ADK: variants seen among roughly 807,000 people sequenced by gnomAD.
ADK encodes N6,N6-dimethyladenosine kinase.
Under a neutral mutation model 44.7 loss-of-function variants are expected in ADK, and 24 were observed. The ratio of observed to expected loss-of-function variants is 0.54; its 90% confidence interval spans 0.39 to 0.76. The LOEUF is 0.76. Ranked by LOEUF, ADK falls within the 30% of genes least tolerant of loss-of-function variation. ADK has a pLI of 0.00. For missense variants in ADK, 321 were observed against 425.1 expected, an observed-to-expected ratio of 0.76 and a Z score of 2.15; for synonymous variants, 128 against 142.6, an observed-to-expected ratio of 0.90 and a Z score of 0.73.
chr10:74,584,232 C>T (rs1046649187), intron 7 of ADK, among the ~76,000 whole-genome samples: 1 of 152,128 alleles, frequency 6.6e-6, no homozygotes, highest in Admixed American at 6.5e-5. Flanking sequence ...ATTTGTTTAT[C>T]CTGAGATCTT....
At position 74,441,995 on chromosome 10, in the gene ADK, A is replaced by T. The variant is rs77255190; in HGVS notation, c.555+43416A>T. Among the ~76,000 whole-genome samples the T allele has an allele frequency of 2.6e-5, 4 of 152,216 alleles. No homozygotes were observed. In the East Asian group the frequency reaches 5.8e-4, roughly 22 times the overall value. ...AAAGAAATACAAATCAAAAGACCACAGTGAAGCTGGGTTCAGTGGTGGTGG... is the reference window on the plus strand; with the variant it reads ...AAAGAAATACAAATCAAAAGACCACTGTGAAGCTGGGTTCAGTGGTGGTGG... On this transcript the variant is annotated intron_variant, in intron 6 of 10. Transcript: ENST00000539909.
chr10:74,334,138 C>T (rs566879114), intron 4 of ADK, among the ~76,000 whole-genome samples: 1 of 152,228 alleles, frequency 6.6e-6, no homozygotes, highest in African/African-American at 2.4e-5. Context: ...TCAAAACTTT[C>T]CCTGTGTCCC....
At chr10:74,508,956 T>A (rs1212659208) in intron 6 of ADK, among the ~76,000 whole-genome samples, 6 of 152,192 alleles carry the variant, frequency 3.9e-5, no homozygotes. Flanking sequence ...ACACACATTT[T>A]TATTTTATAA....
At chr10:74,554,838 T>G (rs1222210547) in intron 7 of ADK, among the ~76,000 whole-genome samples, 1 of 151,792 alleles carries the variant, frequency 6.6e-6, no homozygotes, top group Non-Finnish European at 1.5e-5. Context: ...CCACAGAATA[T>G]CGTTCTTCAT....
chr10:74,475,648 G>A (rs1292272708), intron 6 of ADK, among the ~76,000 whole-genome samples: 3 of 152,070 alleles, frequency 2.0e-5, no homozygotes, highest in Non-Finnish European at 2.9e-5. Flanking sequence ...TTGAGCCTGT[G>A]TGAGCCATGA....
intron 1 of ADK, among the ~76,000 whole-genome samples, chr10:74,179,795 G>A (rs967013521): frequency 5.3e-5 from 8 of 152,134 alleles, no homozygotes; most frequent in Non-Finnish European, 8.8e-5. Flanking sequence ...CTTTGGAATC[G>A]TCATCCTTTT....
chr10:74,351,122 CAA>C (rs1320801555), intron 4 of ADK, among the ~76,000 whole-genome samples: 10 of 151,980 alleles, frequency 6.6e-5, no homozygotes, highest in Non-Finnish European at 1.5e-4. Context: ...AGAGACACAA[CAA>C]AAAAAGAAAA....
At chr10:74,300,261 T>G (rs1472749689) in intron 3 of ADK, among the ~76,000 whole-genome samples, 2 of 43,308 alleles carry the variant, frequency 4.6e-5, no homozygotes, top group Non-Finnish European at 1.1e-4. Context: ...TCTCCTTGTT[T>G]CCTTCCTTCC....
At chr10:74,260,744 T>G (rs1428718687) in intron 3 of ADK, among the ~76,000 whole-genome samples, 2 of 152,246 alleles carry the variant, frequency 1.3e-5, no homozygotes, top group African/African-American at 4.8e-5. Flanking sequence ...TGTTCCCTGC[T>G]TACTGTTTCT....
chr10:74,521,949 T>C, intron 6 of ADK, among the ~76,000 whole-genome samples: 1 of 152,188 alleles, frequency 6.6e-6, no homozygotes, highest in Admixed American at 6.5e-5. Context: ...CAAAAACATT[T>C]TGTATTTCAC....
chr10:74,581,253 T>TA (rs377216996), intron 7 of ADK, among the ~76,000 whole-genome samples: 85 of 151,974 alleles, frequency 5.6e-4, no homozygotes, highest in Non-Finnish European at 9.9e-4. Flanking sequence ...GTGGGAAATG[T>TA]AAAAAAAGAC....
At chr10:74,496,248 A>G (rs1372270437) in intron 6 of ADK, among the ~76,000 whole-genome samples, 5 of 152,188 alleles carry the variant, frequency 3.3e-5, no homozygotes, top group Non-Finnish European at 7.3e-5. Flanking sequence ...CTTGGACTAC[A>G]GGCATGTGCC....
At chr10:74,352,938 C>A (rs982615732) in intron 4 of ADK, among the ~76,000 whole-genome samples, 1 of 152,136 alleles carries the variant, frequency 6.6e-6, no homozygotes, top group African/African-American at 2.4e-5. Context: ...GGTTGTGGAG[C>A]AATAGGAATG....
intron 3 of ADK, among the ~76,000 whole-genome samples, chr10:74,275,068 AG>A (rs1423650405): frequency 5.9e-5 from 9 of 151,952 alleles, no homozygotes; most frequent in Non-Finnish European, 1.3e-4. Context: ...GTGAAGCTGC[AG>A]GTTGTCTTAC....
intron 1 of ADK, among the ~76,000 whole-genome samples, chr10:74,195,952 C>T (rs1843132129): frequency 1.3e-5 from 2 of 151,922 alleles, no homozygotes; most frequent in South Asian, 4.1e-4. Flanking sequence ...GCTGAGATTA[C>T]AGGTGTGAGC....
At chr10:74,245,758 T>G (rs1448742366) in intron 3 of ADK, among the ~76,000 whole-genome samples, 1 of 152,040 alleles carries the variant, frequency 6.6e-6, no homozygotes, top group African/African-American at 2.4e-5. Flanking sequence ...GCCTGGCTAA[T>G]TTTTGTAATT....
intron 10 of ADK, among the ~76,000 whole-genome samples, chr10:74,672,848 GA>G (rs974411164): frequency 3.9e-5 from 6 of 151,974 alleles, no homozygotes; most frequent in East Asian, 1.9e-4. Context: ...TTTTACTGAT[GA>G]AAAAAACAGA....
In ADK at chr10:74,470,547, G is replaced by A. The variant is rs556599711; in HGVS notation, c.556-54709G>A. 4.2e-4 allele frequency among the ~76,000 whole-genome samples: 11 copies of A among 26,090 alleles called. No homozygotes were observed. In the South Asian group the frequency reaches 8.0e-3, roughly 19 times the overall value. 17.1% of individuals were successfully genotyped at this position (26,090 alleles called of 152,430 possible). A position where few individuals can be genotyped will look rare whatever the true frequency, so the allele number is the denominator to read the frequency against. On this transcript the variant is annotated intron_variant, in intron 6 of 10. Coordinates refer to ENST00000539909, the MANE Select transcript of ADK (RefSeq NM_006721.4). ...GTGGCTTTGTCATCTAACATTGTCA[G>A]CAATAGTGCACAAGCGTTTCAATTT...
chr10:74,671,223 CTT>C (rs567534671), intron 10 of ADK, among the ~76,000 whole-genome samples: 1 of 144,736 alleles, frequency 6.9e-6, no homozygotes, highest in African/African-American at 2.5e-5. Context: ...CATGCCCAGT[CTT>C]TTTTTTTTTT....
Sources: allele counts gnomAD v4.1 joint callset (sites outside exome capture counted in the v4.1 genomes callset), GRCh38; gene constraint gnomAD v4.1.1; transcripts MANE v1.5; gene names NCBI Gene and HGNC (gene_info 2026-07-23, HGNC 2026-07-21).